HTR2C: variants seen among roughly 807,000 people sequenced by gnomAD.
HTR2C encodes the protein 5-hydroxytryptamine receptor 2C, also known as 5-hydroxytryptamine (serotonin) receptor 2C, G protein-coupled.
A neutral mutation model predicts 21.0 loss-of-function variants in HTR2C; 5 were observed. The observed-to-expected ratio is 0.24, with a 90% CI of 0.12 to 0.50. HTR2C has a LOEUF of 0.50. Among genes scored for constraint, HTR2C ranks in the 20% least tolerant of loss-of-function variants. The pLI is 0.98. For synonymous variants in HTR2C, 150 were observed against 145.3 expected (o/e 1.03, Z -0.23); for missense variants, 271 against 371.2 (o/e 0.73, Z 2.22).
intron 2 of HTR2C, among the ~76,000 whole-genome samples, chrX:114,667,423 A>T (rs1185271175): frequency 3.6e-5 from 4 of 111,281 alleles, no homozygotes; most frequent in African/African-American, 1.3e-4. Flanking sequence ...GTAATCTGAC[A>T]TAAACAATTT....
At chrX:114,713,099 A>T (rs1183854558) in intron 2 of HTR2C, among the ~76,000 whole-genome samples, 1 of 111,627 alleles carries the variant, frequency 9.0e-6, no homozygotes, top group African/African-American at 3.2e-5. Flanking sequence ...ATTATTTTAA[A>T]AACCTTTCAA....
intron 4 of HTR2C, among the ~76,000 whole-genome samples, chrX:114,844,899 G>A (rs782084464): frequency 9.0e-6 from 1 of 111,490 alleles, no homozygotes; most frequent in Non-Finnish European, 1.9e-5. Flanking sequence ...GGAGAAAAAG[G>A]TAGATCTATA....
intron 2 of HTR2C, among the ~76,000 whole-genome samples, chrX:114,633,820 T>C (rs1355120487): frequency 9.2e-6 from 1 of 108,518 alleles, no homozygotes; most frequent in Non-Finnish European, 1.9e-5. Context: ...CATATATATG[T>C]GTGTGTGTGT....
chrX:114,685,991 A>G lies in HTR2C; in HGVS notation c.-79-40867A>G, dbSNP rs1331268407. Among the ~76,000 whole-genome samples the G allele has an allele frequency of 4.5e-5, 5 of 111,390 alleles. No individual in the cohort carries two copies. The East Asian group carries it at 1.4e-3, about 31-fold the overall frequency. On this transcript the variant is annotated intron_variant, in intron 2 of 5. Coordinates refer to ENST00000276198, the MANE Select transcript of HTR2C (RefSeq NM_000868.4). ...ATCTTATGATCATAATTACAACCTC[A>G]TACTCTGAAGGGCAGTTGATATAGA... is the stretch of plus-strand genomic sequence containing the variant.
intron 2 of HTR2C, among the ~76,000 whole-genome samples, chrX:114,717,164 T>C (rs1012042628): frequency 7.2e-5 from 8 of 110,611 alleles, no homozygotes; most frequent in Non-Finnish European, 1.3e-4. Context: ...CTCGACCACC[T>C]GAGTTCAAGG....
At chrX:114,752,259 G>A (rs1410855441) in intron 4 of HTR2C, among the ~76,000 whole-genome samples, 2 of 111,496 alleles carry the variant, frequency 1.8e-5, no homozygotes, top group Non-Finnish European at 3.8e-5. Flanking sequence ...TACAACAAAG[G>A]CATGCACAAA....
chrX:114,673,968 T>C lies in HTR2C; in HGVS notation c.-79-52890T>C, dbSNP rs1237857619. Among the ~76,000 whole-genome samples the C allele has an allele frequency of 2.7e-5, 3 of 111,922 alleles. No homozygotes were observed. The Admixed American group carries it at 2.9e-4, about 11-fold the overall frequency. On this transcript the variant is annotated intron_variant, in intron 2 of 5. Transcript: ENST00000276198. ...TAATAAGAAAGCACATCAGACACTGTCTGTTTCAAGGCTGTGCTTGATGAA... is the reference window on the plus strand; with the variant it reads ...TAATAAGAAAGCACATCAGACACTGCCTGTTTCAAGGCTGTGCTTGATGAA...
At chrX:114,900,429 A>T in intron 5 of HTR2C, 1 of 225,142 alleles carries the variant, frequency 4.4e-6, no homozygotes, top group Non-Finnish European at 8.4e-6. Context: ...TGCTTTGATG[A>T]CACATAATCA....
intron 2 of HTR2C, among the ~76,000 whole-genome samples, chrX:114,725,121 G>T (rs1293085271): frequency 9.0e-6 from 1 of 110,941 alleles, no homozygotes; most frequent in South Asian, 3.9e-4. Context: ...TTTCCAACTT[G>T]GTTCCATTCT....
At chrX:114,874,405 C>T (rs1271382584) in intron 5 of HTR2C, among the ~76,000 whole-genome samples, 2 of 111,760 alleles carry the variant, frequency 1.8e-5, no homozygotes, top group Non-Finnish European at 3.8e-5. Context: ...CTATCAAAAG[C>T]GTGCAAGTGT....
chrX:114,690,251 A>G (rs1188902040), intron 2 of HTR2C, among the ~76,000 whole-genome samples: 1 of 111,486 alleles, frequency 9.0e-6, no homozygotes, highest in Non-Finnish European at 1.9e-5. Flanking sequence ...CCAGCTTGCA[A>G]CCCAGCCATT....
intron 4 of HTR2C, among the ~76,000 whole-genome samples, chrX:114,750,389 A>G (rs1440132315): frequency 8.9e-6 from 1 of 111,990 alleles, no homozygotes; most frequent in African/African-American, 3.2e-5. Flanking sequence ...TGAAGAAATT[A>G]GATATATATC....
chrX:114,648,328 T>C (rs1008968624), intron 2 of HTR2C, among the ~76,000 whole-genome samples: 4 of 111,371 alleles, frequency 3.6e-5, no homozygotes, highest in Non-Finnish European at 7.5e-5. Context: ...CCTTCCTGCT[T>C]CTGCTGTTTT....
chrX:114,615,879 T>G (rs1002635014), intron 2 of HTR2C, among the ~76,000 whole-genome samples: 3 of 111,916 alleles, frequency 2.7e-5, no homozygotes, highest in Non-Finnish European at 5.6e-5. Flanking sequence ...CATCATAATG[T>G]GGCAATATCT....
intron 1 of HTR2C, among the ~76,000 whole-genome samples, chrX:114,610,244 C>T (rs782324640): frequency 6.3e-5 from 7 of 111,616 alleles, no homozygotes; most frequent in Non-Finnish European, 1.1e-4. Context: ...CATTTTAATG[C>T]ACGGTAATGT....
intron 2 of HTR2C, among the ~76,000 whole-genome samples, chrX:114,723,343 T>G (rs782460151): frequency 2.2e-4 from 25 of 112,027 alleles, no homozygotes; most frequent in Middle Eastern, 4.6e-3. Flanking sequence ...TTTGTATTTC[T>G]GTGGGATCAG....
chrX:114,600,302 G>A (rs1556393990), intron 1 of HTR2C, among the ~76,000 whole-genome samples: 1 of 111,958 alleles, frequency 8.9e-6, no homozygotes, highest in Non-Finnish European at 1.9e-5. Flanking sequence ...TTAAAAATAT[G>A]CCAAATACTC....
At chrX:114,584,897 C>CG (rs1927324783) in intron 1 of HTR2C, among the ~76,000 whole-genome samples, 1 of 88,954 alleles carries the variant, frequency 1.1e-5, no homozygotes, top group African/African-American at 4.3e-5. Flanking sequence ...GGATTGGGAG[C>CG]GGGGGCTCGA....
At chrX:114,786,256 C>T (rs979751609) in intron 4 of HTR2C, among the ~76,000 whole-genome samples, 2 of 111,705 alleles carry the variant, frequency 1.8e-5, no homozygotes, top group East Asian at 5.6e-4. Flanking sequence ...TACTAAAAAG[C>T]AATTTAGCAT....
Sources: gnomAD v4.1 joint callset for allele counts (sites outside exome capture counted in the v4.1 genomes callset) on GRCh38, gnomAD v4.1.1 for gene constraint, MANE v1.5 for transcripts, NCBI Gene and HGNC (gene_info 2026-07-23, HGNC 2026-07-21) for gene names.